GSTZ1: variants seen among roughly 807,000 people sequenced by gnomAD.
GSTZ1 encodes glutathione S-transferase zeta 1.
In GSTZ1, 34 loss-of-function variants were observed where a neutral mutation model predicts 35.9. The observed-to-expected ratio is 0.95, with a 90% CI of 0.72 to 1.26. The LOEUF (loss-of-function observed/expected upper bound fraction) is 1.26. Ranked by LOEUF, GSTZ1 falls within the 50% of genes most tolerant of loss-of-function variation. The probability of loss-of-function intolerance (pLI) is 0.00; values close to 1 mark genes in which losing one functional copy is unlikely to be tolerated. For synonymous variants in GSTZ1, 93 were observed against 101.2 expected (o/e 0.92, Z 0.49); for missense variants, 263 against 271.7 (o/e 0.97, Z 0.23).
chr14:77,327,465 T>G lies in GSTZ1; in HGVS notation c.136-7T>G. ...CCACCCAGCCCACCAGGGCCTTGTC[T>G]CCACAGTTTTCTAAGGACTTCCAGG... On this transcript the variant is annotated splice_region_variant and splice_polypyrimidine_tract_variant and intron_variant, in intron 3 of 8. Transcript: ENST00000216465. 1 of 1,597,662 alleles carries G rather than the reference T, an allele frequency of 6.3e-7. No homozygotes were observed.
Position 77,321,122 on chromosome 14 carries a change from G to A in GSTZ1, c.-47G>A. 1.4e-6 allele frequency: 2 copies of A among 1,443,892 alleles called. No individual in the cohort carries two copies. The highest frequency in any genetic ancestry group is 2.9e-5 in the South Asian group (2 of 68,602). The allele number at this position is 1,443,892 out of a possible 1,614,324, so 89.4% of individuals were successfully genotyped here. A position where few individuals can be genotyped will look rare whatever the true frequency, so the allele number is the denominator to read the frequency against. On this transcript the variant is annotated 5_prime_UTR_variant, in exon 1 of 9. Coordinates refer to ENST00000216465, the MANE Select transcript of GSTZ1 (RefSeq NM_145870.3). ...GAGCCTTAGTCGTCGGCAGGTCCCA[G>A]GCGCGAAGTTTCTCGGCCTGGAGGA...
chr14:77,321,678 T>C, intron 1 of GSTZ1: 1 of 336,314 alleles, frequency 3.0e-6, no homozygotes. Context: ...GGTCAGGAGA[T>C]AGAGACCATC....
At chr14:77,329,476 G>A in intron 6 of GSTZ1, 1 of 595,892 alleles carries the variant, frequency 1.7e-6, no homozygotes, top group Non-Finnish European at 3.0e-6. Context: ...ACCAAGGCCA[G>A]CACAGCGCCA....
intron 1 of GSTZ1, chr14:77,321,682 G>C: frequency 6.2e-6 from 2 of 321,242 alleles, no homozygotes; most frequent in Non-Finnish European, 1.1e-5. Flanking sequence ...AGGAGATAGA[G>C]ACCATCCTGG....
intron 1 of GSTZ1, chr14:77,321,489 A>G: frequency 7.0e-7 from 1 of 1,435,168 alleles, no homozygotes; most frequent in Non-Finnish European, 9.2e-7. Flanking sequence ...TCCCTCCACT[A>G]AGGCTTCCAA....
rs559016479 is a variant in GSTZ1 at position 77,328,995 on chromosome 14, C to T, written c.343-128C>T. The T allele has an allele frequency of 1.9e-4, 143 of 748,510 alleles. 1 individual carries two copies. The South Asian group carries it at 2.0e-3, about 11-fold the overall frequency. The allele number at this position is 748,510 out of a possible 1,614,324, so 46.4% of individuals were successfully genotyped here. ...TGGTTGAAGGAAGGGGCTCATGGAG[C>T]CTGGGGGAGAAGGGATAGACATCCA... On this transcript the variant is annotated intron_variant, in intron 5 of 8. Coordinates refer to ENST00000216465, the MANE Select transcript of GSTZ1 (RefSeq NM_145870.3).
At chr14:77,322,070 T>C (rs575806454) in intron 1 of GSTZ1, among the ~76,000 whole-genome samples, 2 of 152,226 alleles carry the variant, frequency 1.3e-5, no homozygotes, top group African/African-American at 4.8e-5. Context: ...GCCATGAAGT[T>C]TGAGAACCAC....
chr14:77,321,101 C>T lies in GSTZ1; in HGVS notation c.-68C>T, dbSNP rs1442470427. Reference sequence around the variant, plus strand: ...CCTGATTCGTCGAGTCTCACTGAGCCTTAGTCGTCGGCAGGTCCCAGGCGC... The same window carrying T: ...CCTGATTCGTCGAGTCTCACTGAGCTTTAGTCGTCGGCAGGTCCCAGGCGC... On this transcript the variant is annotated 5_prime_UTR_variant, in exon 1 of 9. Coordinates refer to ENST00000216465, the MANE Select transcript of GSTZ1 (RefSeq NM_145870.3). 7.8e-6 allele frequency: 11 copies of T among 1,417,560 alleles called. No homozygotes were observed. The highest frequency in any genetic ancestry group is 1.0e-5 in the Non-Finnish European group (11 of 1,070,998). 87.8% of individuals were successfully genotyped at this position (1,417,560 alleles called of 1,614,324 possible).
At chr14:77,324,610 A>G in intron 1 of GSTZ1, 1 of 1,533,678 alleles carries the variant, frequency 6.5e-7, no homozygotes, top group Non-Finnish European at 8.7e-7. Flanking sequence ...ATACCATGAC[A>G]GAGTCTGGCA....
At chr14:77,329,680 TG>T in intron 6 of GSTZ1, 74 bp from the exon 7 acceptor site, 2 of 1,162,508 alleles carry the variant, frequency 1.7e-6, no homozygotes, top group Non-Finnish European at 2.6e-6. Flanking sequence ...TTCATAACTA[TG>T]GAGGCCAAGG....
At chr14:77,329,000 G>A in intron 5 of GSTZ1, 123 bp from the exon 6 acceptor site, 1 of 767,060 alleles carries the variant, frequency 1.3e-6, no homozygotes, top group Non-Finnish European at 2.4e-6. Flanking sequence ...TGGAGCCTGG[G>A]GGAGAAGGGA....
rs908895930 is a variant in GSTZ1, at chr14:77,321,119, C to G, written c.-50C>G. ...ACTGAGCCTTAGTCGTCGGCAGGTCCCAGGCGCGAAGTTTCTCGGCCTGGA... is the reference window on the plus strand; with the variant it reads ...ACTGAGCCTTAGTCGTCGGCAGGTCGCAGGCGCGAAGTTTCTCGGCCTGGA... On this transcript the variant is annotated 5_prime_UTR_variant, in exon 1 of 9. Coordinates refer to ENST00000216465, the MANE Select transcript of GSTZ1 (RefSeq NM_145870.3). The G allele has an allele frequency of 2.7e-5, 39 of 1,442,582 alleles. No individual in the cohort carries two copies. Among genetic ancestry groups the G allele is most frequent in the Non-Finnish European group, 3.5e-5 (38 of 1,092,592 alleles). The allele number at this position is 1,442,582 out of a possible 1,614,324, so 89.4% of individuals were successfully genotyped here.
chr14:77,329,976 G>A lies in GSTZ1; in HGVS notation c.474+169G>A, dbSNP rs8177570. On this transcript the variant is annotated intron_variant, in intron 7 of 8. Transcript: ENST00000216465. ...ACCGTCTTAAGAGGGAGTTACTCAA[G>A]GTAGAAGACTGGCTGTGAGAGGATG... 0.022 allele frequency: 14,755 copies of A among 656,308 alleles called. 1,580 individuals carry two copies. In the African/African-American group the frequency reaches 0.23, roughly 10 times the overall value. The allele number at this position is 656,308 out of a possible 1,614,324, so 40.7% of individuals were successfully genotyped here.
Position 77,331,554 on chromosome 14 carries a change from C to T in GSTZ1, c.*359C>T, listed in dbSNP as rs1224472228. On this transcript the variant is annotated 3_prime_UTR_variant, in exon 9 of 9. Transcript: ENST00000216465. ...GTTGTGTGTGACTCCAAAGAATGCC[C>T]GCGCTGAAATTTGGCGTGAATTAAA... 2 of 193,294 alleles carry T rather than the reference C, an allele frequency of 1.0e-5. No individual in the cohort carries two copies. Among genetic ancestry groups the T allele is most frequent in the Admixed American group, 5.7e-5 (1 of 17,690 alleles). 12.0% of individuals were successfully genotyped at this position (193,294 alleles called of 1,614,324 possible).
chr14:77,321,246 G>A, intron 1 of GSTZ1, 63 bp downstream of exon 1: 2 of 1,536,034 alleles, frequency 1.3e-6, no homozygotes, highest in Non-Finnish European at 8.8e-7. Flanking sequence ...TGGGGGGCGG[G>A]GTCAGAAGTG....
chr14:77,330,357 A>AAG lies in GSTZ1; in HGVS notation c.523_524dup (p.Phe176AspfsTer40), dbSNP rs775354554. On this transcript the variant is annotated frameshift_variant and splice_region_variant, in exon 8 of 9. Transcript: ENST00000216465. LOFTEE classifies it high-confidence loss of function. ...TGGTGCCTCAGGTGGCAAATGCTGA[A>AAG]AGGTAAGAGAGAGCCCCGCCACCCT... 4.3e-6 allele frequency: 7 copies of AAG among 1,612,386 alleles called. No homozygotes were observed. The East Asian group carries it at 1.3e-4, about 31-fold the overall frequency.
chr14:77,330,220 AC>A (rs753445000), intron 7 of GSTZ1, 89 bp from the exon 8 acceptor site: 156 of 891,082 alleles, frequency 1.8e-4, no homozygotes, highest in Non-Finnish European at 2.7e-4. Context: ...GATTGTTGGT[AC>A]CCCCAGTAGA....
chr14:77,321,484 C>A (rs1891971619), intron 1 of GSTZ1: 1 of 1,457,500 alleles, frequency 6.9e-7, no homozygotes, highest in Non-Finnish European at 9.1e-7. Context: ...ACCCCTCCCT[C>A]CACTAAGGCT....
At position 77,329,180 on chromosome 14, in the gene GSTZ1, G is replaced by A. The variant is rs149972480; in HGVS notation, c.400G>A (p.Ala134Thr). ...EEMQLTWAQN[A>T]ITCGFNALEQ... ...GATGCAGCTGACCTGGGCCCAGAAC[G>A]CCATCACTTGTGGCTTTAACGGTGA... The change falls in exon 6 of 9, where the codon GCC becomes ACC. Residue 134 changes from alanine to threonine, a missense_variant. Transcript: ENST00000216465. 1,033 of 1,610,670 alleles carry A rather than the reference G, an allele frequency of 6.4e-4. No individual in the cohort carries two copies. The highest frequency in any genetic ancestry group is 8.3e-4 in the Non-Finnish European group (974 of 1,176,918).
Sources: gnomAD v4.1 joint callset for allele counts (sites outside exome capture counted in the v4.1 genomes callset) on GRCh38, gnomAD v4.1.1 for gene constraint, MANE v1.5 for transcripts, NCBI Gene and HGNC (gene_info 2026-07-23, HGNC 2026-07-21) for gene names.